VPS13B: variants seen among roughly 807,000 people sequenced by gnomAD.
The protein encoded by VPS13B is intermembrane lipid transfer protein VPS13B.
In VPS13B, 285 loss-of-function variants were observed where a neutral mutation model predicts 426.4. The observed-to-expected ratio is 0.67, with a 90% CI of 0.61 to 0.74. The LOEUF (loss-of-function observed/expected upper bound fraction) is 0.74, where lower values mean the gene tolerates loss of function less well. VPS13B is among the 30% of genes least tolerant of loss of function. VPS13B has a pLI of 0.00. For missense variants in VPS13B, 4,537 were observed against 4,782.6 expected (o/e 0.95, Z 1.51); for synonymous variants, 1,676 against 1,676.4 (o/e 1.00, Z 0.01).
intron 19 of VPS13B, among the ~76,000 whole-genome samples, chr8:99,344,016 C>A (rs1046446446): frequency 1.3e-5 from 2 of 152,056 alleles, no homozygotes; most frequent in African/African-American, 4.8e-5. Flanking sequence ...ACGGTCTTGA[C>A]CAAAAAGAAC....
intron 16 of VPS13B, among the ~76,000 whole-genome samples, chr8:99,191,499 T>C (rs1401680330): frequency 6.8e-6 from 1 of 148,080 alleles, no homozygotes; most frequent in Non-Finnish European, 1.5e-5. Context: ...TTCTCCTGCC[T>C]CAGGCTCCTG....
rs779913773 is a variant in VPS13B at position 99,793,254 on chromosome 8, CATAT to C, written c.7941+8806_7941+8809del. 5.4e-3 allele frequency among the ~76,000 whole-genome samples: 577 copies of C among 107,020 alleles called. 6 individuals are homozygous for C. The highest frequency in any genetic ancestry group is 0.01 in the African/African-American group (288 of 27,846). 70.2% of individuals were successfully genotyped at this position (107,020 alleles called of 152,430 possible). A position where few individuals can be genotyped will look rare whatever the true frequency, so the allele number is the denominator to read the frequency against. ...TTTGGAGACAGGGTCTTGCCCTCTC[CATAT>C]ATATATATATATATATATATATATA... On this transcript the variant is annotated intron_variant, in intron 43 of 61. Coordinates refer to ENST00000357162, the MANE Select transcript of VPS13B (RefSeq NM_152564.5).
Position 99,251,269 on chromosome 8 carries a change from T to G in VPS13B, c.2516-22929T>G, listed in dbSNP as rs114822654. On this transcript the variant is annotated intron_variant, in intron 17 of 61. Transcript: ENST00000357162. ...CAGTCATAATGGAAAACATTCAGTC[T>G]TTTACTATTAAGTGATTTTAGGTGT... is the stretch of plus-strand genomic sequence containing the variant. Among the ~76,000 whole-genome samples, 1,400 of 152,316 alleles carry G rather than the reference T, an allele frequency of 9.2e-3. 22 individuals are homozygous for G. The highest frequency in any genetic ancestry group is 0.031 in the African/African-American group (1,305 of 41,572).
chr8:99,060,769 G>A (rs181475145), intron 3 of VPS13B, among the ~76,000 whole-genome samples: 1,967 of 151,996 alleles, frequency 0.013, 176 homozygotes, highest in Admixed American at 0.12. Context: ...GTTCTTGTTT[G>A]CCATAAGTGA....
chr8:99,512,707 T>C (rs1821854053), intron 29 of VPS13B, among the ~76,000 whole-genome samples: 2 of 152,132 alleles, frequency 1.3e-5, no homozygotes, highest in African/African-American at 4.8e-5. Context: ...GGGTAGGTCA[T>C]TACATTTAAT....
chr8:99,685,438 CA>C (rs1831346101), intron 35 of VPS13B, among the ~76,000 whole-genome samples: 2 of 152,332 alleles, frequency 1.3e-5, no homozygotes, highest in South Asian at 4.1e-4. Flanking sequence ...AATCTACTTT[CA>C]AACTTATTCC....
chr8:99,199,426 C>T (rs1434324397), intron 17 of VPS13B, among the ~76,000 whole-genome samples: 3 of 152,162 alleles, frequency 2.0e-5, no homozygotes, highest in African/African-American at 7.2e-5. Flanking sequence ...CTGCCTCGGC[C>T]TCCCAAAGTG....
intron 21 of VPS13B, among the ~76,000 whole-genome samples, chr8:99,414,671 T>G (rs1245093682): frequency 1.3e-5 from 2 of 152,204 alleles, no homozygotes; most frequent in African/African-American, 4.8e-5. Flanking sequence ...TCTCCTTCGC[T>G]TATGAAGTTT....
At chr8:99,220,627 A>G (rs1275305622) in intron 17 of VPS13B, among the ~76,000 whole-genome samples, 1 of 152,172 alleles carries the variant, frequency 6.6e-6, no homozygotes, top group African/African-American at 2.4e-5. Context: ...AAGAAAAGTT[A>G]TGGAGTTTTG....
rs1814869449 is a variant in VPS13B at position 99,398,668 on chromosome 8, A to G, written c.3082+6964A>G. ...CAGTGAGATCATAGGTAAGCAAGAT[A>G]TAAAACCCATGCACAGATGTGAGAC... On this transcript the variant is annotated intron_variant, in intron 21 of 61. Coordinates refer to ENST00000357162, the MANE Select transcript of VPS13B (RefSeq NM_152564.5). Among the ~76,000 whole-genome samples the G allele has an allele frequency of 2.0e-5, 3 of 152,260 alleles. 1 individual carries two copies. The South Asian group carries it at 6.2e-4, about 32-fold the overall frequency.
intron 35 of VPS13B, among the ~76,000 whole-genome samples, chr8:99,699,016 G>T (rs1197543173): frequency 6.6e-6 from 1 of 151,300 alleles, no homozygotes; most frequent in African/African-American, 2.4e-5. Context: ...AGGTCATAAG[G>T]GGGAAACAGA....
At chr8:99,181,461 A>G (rs1812941677) in intron 16 of VPS13B, among the ~76,000 whole-genome samples, 1 of 152,206 alleles carries the variant, frequency 6.6e-6, no homozygotes, top group African/African-American at 2.4e-5. Flanking sequence ...ATTTAAATAT[A>G]GGCTCTGCCA....
rs539139452 is a variant in VPS13B at position 99,835,421 on chromosome 8, T to C, written c.9742+97T>C. 199 of 1,501,376 alleles carry C rather than the reference T, an allele frequency of 1.3e-4. No individual in the cohort carries two copies. The African/African-American group carries it at 2.1e-3, about 16-fold the overall frequency. 93.0% of individuals were successfully genotyped at this position (1,501,376 alleles called of 1,614,324 possible). A position where few individuals can be genotyped will look rare whatever the true frequency, so the allele number is the denominator to read the frequency against. On this transcript the variant is annotated intron_variant, in intron 53 of 61. Coordinates refer to ENST00000357162, the MANE Select transcript of VPS13B (RefSeq NM_152564.5). ...TACCTGTGATCCTGTGAAAAAAATA[T>C]TTAAATAAAAGCATTAATGATCTCT...
At chr8:99,825,298 G>A (rs1296272362) in intron 51 of VPS13B, among the ~76,000 whole-genome samples, 3 of 151,976 alleles carry the variant, frequency 2.0e-5, no homozygotes, top group African/African-American at 4.8e-5. Flanking sequence ...TCTCATTGTC[G>A]TTTTTATTTG....
intron 19 of VPS13B, among the ~76,000 whole-genome samples, chr8:99,356,188 A>G (rs1812173014): frequency 6.6e-6 from 1 of 152,204 alleles, no homozygotes; most frequent in South Asian, 2.1e-4. Context: ...TGTAATTTAG[A>G]CTGTCACTAT....
rs1321224644 is a variant in VPS13B at position 99,090,705 on chromosome 8, T to C, written c.292-5607T>C. Reference sequence around the variant, plus strand: ...TCCTGAAGGTGCCTAACACATACTTTTCTTTGCTCAGACATCTTTTGCTGA... The same window carrying C: ...TCCTGAAGGTGCCTAACACATACTTCTCTTTGCTCAGACATCTTTTGCTGA... On this transcript the variant is annotated intron_variant, in intron 3 of 61. Coordinates refer to ENST00000357162, the MANE Select transcript of VPS13B (RefSeq NM_152564.5). Among the ~76,000 whole-genome samples, 3 of 152,204 alleles carry C rather than the reference T, an allele frequency of 2.0e-5. No homozygotes were observed. In the East Asian group the frequency reaches 5.8e-4, roughly 29 times the overall value.
chr8:99,258,842 C>G (rs1264731494), intron 17 of VPS13B, among the ~76,000 whole-genome samples: 1 of 151,928 alleles, frequency 6.6e-6, no homozygotes, highest in African/African-American at 2.4e-5. Flanking sequence ...GGTGAAGAAA[C>G]TGGGCCACAA....
chr8:99,590,074 A>G (rs754099233), intron 33 of VPS13B, among the ~76,000 whole-genome samples: 2 of 152,152 alleles, frequency 1.3e-5, no homozygotes, highest in African/African-American at 4.8e-5. Flanking sequence ...GGAAGAGTGT[A>G]TAAGTCCAGG....
intron 33 of VPS13B, among the ~76,000 whole-genome samples, chr8:99,632,952 A>C (rs1189612682): frequency 1.3e-5 from 2 of 151,970 alleles, no homozygotes; most frequent in East Asian, 1.9e-4. Flanking sequence ...CATTAATTAC[A>C]CCAGGTTTTT....
Sources: allele counts gnomAD v4.1 joint callset (sites outside exome capture counted in the v4.1 genomes callset), GRCh38; gene constraint gnomAD v4.1.1; transcripts MANE v1.5; gene names NCBI Gene and HGNC (gene_info 2026-07-23, HGNC 2026-07-21).